ENTR1: variants seen among roughly 807,000 people sequenced by gnomAD.
The protein encoded by ENTR1 is endosome associated trafficking regulator 1.
ENTR1 carries 47 observed loss-of-function variants against 47.9 expected under a neutral mutation model. That is an observed-to-expected ratio of 0.98 (90% CI 0.78 to 1.25). ENTR1 has a LOEUF of 1.25. Ranked by LOEUF, ENTR1 falls within the 50% of genes most tolerant of loss-of-function variation. ENTR1 has a pLI of 0.00. For missense variants in ENTR1, 668 were observed against 570.5 expected (o/e 1.17, Z -1.74); for synonymous variants, 290 against 245.8 (o/e 1.18, Z -1.68).
chr9:136,409,537 CCT>C (rs1409204068), intron 2 of ENTR1, among the ~76,000 whole-genome samples: 3 of 152,128 alleles, frequency 2.0e-5, no homozygotes, highest in Non-Finnish European at 4.4e-5. Flanking sequence ...CTGGAGATGG[CCT>C]GACTTGCAGA....
At position 136,408,385 on chromosome 9, in the gene ENTR1, T is replaced by C. The variant is rs534233672; in HGVS notation, c.290-447A>G. Reference sequence around the variant, plus strand: ...CGAGGTCAGGAGACTGAGACCATCCTGGCTAACACGGTGAAACCTCATCTC... The same window carrying C: ...CGAGGTCAGGAGACTGAGACCATCCCGGCTAACACGGTGAAACCTCATCTC... On this transcript the variant is annotated intron_variant, in intron 3 of 9. Coordinates refer to ENST00000357365, the MANE Select transcript of ENTR1 (RefSeq NM_001039707.2). Among the ~76,000 whole-genome samples, 75 of 152,186 alleles carry C rather than the reference T, an allele frequency of 4.9e-4. No individual in the cohort carries two copies. In the East Asian group the frequency reaches 0.01, roughly 21 times the overall value.
intron 9 of ENTR1, among the ~76,000 whole-genome samples, chr9:136,403,255 G>C (rs1834579316): frequency 7.0e-6 from 1 of 142,890 alleles, no homozygotes; most frequent in African/African-American, 2.6e-5. Context: ...GGGTTCCAGG[G>C]AGAAAGGGAC....
chr9:136,408,875 C>A, intron 3 of ENTR1, 124 bp downstream of exon 3: 3 of 673,220 alleles, frequency 4.5e-6, no homozygotes, highest in Non-Finnish European at 8.1e-6. Flanking sequence ...TGAAATCCCA[C>A]CCCCACCTGC....
At chr9:136,406,070 A>AGCAGAGAT (rs1834750717) in intron 5 of ENTR1, 92 bp from the exon 6 acceptor site, 1 of 841,594 alleles carries the variant, frequency 1.2e-6, no homozygotes, top group Non-Finnish European at 1.8e-6. Flanking sequence ...CCTCCTGATA[A>AGCAGAGAT]GCAGAGATGC....
At chr9:136,404,499 T>TC in intron 8 of ENTR1, 132 bp downstream of exon 8, 1 of 992,698 alleles carries the variant, frequency 1.0e-6, no homozygotes, top group Non-Finnish European at 1.5e-6. Context: ...GCGGCTGCTG[T>TC]CCTCATTTGA....
intron 7 of ENTR1, 148 bp downstream of exon 7, chr9:136,404,943 A>C: frequency 4.2e-6 from 3 of 707,928 alleles, no homozygotes; most frequent in Non-Finnish European, 4.8e-6. Flanking sequence ...AGGCACAGCG[A>C]GACAGCGACG....
At chr9:136,405,064 C>T (rs368672832) in intron 7 of ENTR1, 27 bp downstream of exon 7, 19 of 1,576,810 alleles carry the variant, frequency 1.2e-5, no homozygotes, top group African/African-American at 5.4e-5. Flanking sequence ...CCACCCAGCT[C>T]GTCCGATTCA....
intron 3 of ENTR1, 70 bp from the exon 4 acceptor site, chr9:136,408,008 C>G (rs1834866348): frequency 2.0e-6 from 2 of 1,021,834 alleles, no homozygotes; most frequent in African/African-American, 3.2e-5. Flanking sequence ...TCCTGTTCAC[C>G]TGTCTTTCCA....
Position 136,402,777 on chromosome 9 carries a change from C to T in ENTR1, c.*11G>A. Reference sequence around the variant, plus strand: ...TACACGGAGCTTCATGCTGAGAACACCCAGGGGTCCTCAAGAGTCTTCCTC... The same window carrying T: ...TACACGGAGCTTCATGCTGAGAACATCCAGGGGTCCTCAAGAGTCTTCCTC... On this transcript the variant is annotated 3_prime_UTR_variant, in exon 10 of 10. Transcript: ENST00000357365. 10 of 1,598,466 alleles carry T rather than the reference C, an allele frequency of 6.3e-6. No homozygotes were observed. Among genetic ancestry groups the T allele is most frequent in the Non-Finnish European group, 6.0e-6 (7 of 1,167,228 alleles).
intron 8 of ENTR1, 85 bp from the exon 9 acceptor site, chr9:136,404,279 C>T (rs1392361926): frequency 6.6e-6 from 10 of 1,519,228 alleles, no homozygotes; most frequent in South Asian, 6.4e-5. Context: ...AGGGCTTACC[C>T]GTGGGGGCCT....
At chr9:136,404,743 A>G (rs1834680030) in intron 7 of ENTR1, 50 bp from the exon 8 acceptor site, 2 of 1,593,300 alleles carry the variant, frequency 1.3e-6, no homozygotes, top group Non-Finnish European at 1.7e-6. Context: ...ATGTCCTCAC[A>G]TTCATACCGG....
Position 136,404,632 on chromosome 9 carries a change from T to C in ENTR1, c.1067A>G (p.Gln356Arg). The C allele has an allele frequency of 1.2e-6, 2 of 1,613,998 alleles. No homozygotes were observed. The highest frequency in any genetic ancestry group is 1.7e-6 in the Non-Finnish European group (2 of 1,179,918). The change falls in exon 8 of 10, where the codon CAG (glutamine) becomes CGG (arginine). Residue 356 changes from glutamine (Q) to arginine (R), a missense_variant and splice_region_variant. By Grantham distance (43) the Gln-to-Arg change is conservative. Transcript: ENST00000357365. ...ACTGAAGTCCCTTCCTTTAATTACCTGGAGCAAACTGATTTCCTGTTTTAG... is the reference window on the plus strand; with the variant it reads ...ACTGAAGTCCCTTCCTTTAATTACCCGGAGCAAACTGATTTCCTGTTTTAG... ...VKLKQEISLL[Q>R]AQVSNFQREN...
intron 6 of ENTR1, chr9:136,405,490 C>T (rs1834721635): frequency 2.4e-6 from 1 of 417,788 alleles, no homozygotes. Context: ...ATAATCCCAA[C>T]ACTTTAGGAG....
rs11145916 is a variant in ENTR1 at position 136,407,636 on chromosome 9, G to A, written c.403-75C>T. On this transcript the variant is annotated intron_variant, in intron 4 of 9. Transcript: ENST00000357365. ...GAGCGCATCTTCCTTTCTGTGTTCT[G>A]CCTCGCAACAAGAAGAAAGGCCCAA... 350,508 of 1,482,474 alleles carry A rather than the reference G, an allele frequency of 0.24. 43,057 individuals are homozygous for A. Among genetic ancestry groups the A allele is most frequent in the Non-Finnish European group, 0.25 (281,291 of 1,119,764 alleles). The allele number at this position is 1,482,474 out of a possible 1,614,324, so 91.8% of individuals were successfully genotyped here.
Position 136,409,018 on chromosome 9 carries a change from G to A in ENTR1, c.270C>T (p.Ala90=). ...CTCTACCTCCAAAATGTGTCCCGTGGGCTCCTGACGGGCTCTGCTTAGAAC... is the reference window on the plus strand; with the variant it reads ...CTCTACCTCCAAAATGTGTCCCGTGAGCTCCTGACGGGCTCTGCTTAGAAC... ...GKCSKQSPSG[A]HGTHFGDDRF... The change falls in exon 3 of 10, where the codon GCC becomes GCT. Residue 90 remains alanine (A), a synonymous_variant. Coordinates refer to ENST00000357365, the MANE Select transcript of ENTR1 (RefSeq NM_001039707.2). 6.2e-7 allele frequency: 1 copy of A among 1,613,930 alleles called. No individual in the cohort carries two copies. The highest frequency in any genetic ancestry group is 8.5e-7 in the Non-Finnish European group (1 of 1,179,968).
rs773228002 is a variant in ENTR1 at position 136,405,975 on chromosome 9, T to C, written c.823A>G (p.Lys275Glu). ...CTTCTCAGCTTAGAATTTTCATCTT[T>C]CAGCTGTGGAGAGAGAACATCCTTA... ...RTLQISYDALKDENSKLRRKL... is the reference protein window; with the variant it reads ...RTLQISYDALEDENSKLRRKL... Residue 275 changes from lysine (K) to glutamate (E), a missense_variant, in exon 6 of 10, where the codon AAA (lysine) becomes GAA (glutamate). By Grantham distance (56) the Lys-to-Glu change is moderately conservative. Coordinates refer to ENST00000357365, the MANE Select transcript of ENTR1 (RefSeq NM_001039707.2). 6.2e-7 allele frequency: 1 copy of C among 1,608,414 alleles called. No homozygotes were observed. The highest frequency in any genetic ancestry group is 1.7e-5 in the Admixed American group (1 of 59,290).
rs1336062033 is a variant in ENTR1, at chr9:136,404,127, AC to A, written c.1135del (p.Val379TrpfsTer2). ...LRCGQGASLT[V>X]VKQNADVALQ... ...GGCCACGTCGGCGTTCTGCTTCACC[AC>A]GGTCAGGCTGGCACCCTGGCCGCAC... On this transcript the variant is annotated frameshift_variant, in exon 9 of 10. Coordinates refer to ENST00000357365, the MANE Select transcript of ENTR1 (RefSeq NM_001039707.2). LOFTEE classifies it high-confidence loss of function. 6.2e-7 allele frequency: 1 copy of A among 1,613,050 alleles called. No homozygotes were observed. The highest frequency in any genetic ancestry group is 8.5e-7 in the Non-Finnish European group (1 of 1,179,764).
At chr9:136,408,905 A>AC (rs1334283152) in intron 3 of ENTR1, 94 bp downstream of exon 3, 8 of 1,002,164 alleles carry the variant, frequency 8.0e-6, no homozygotes, top group Middle Eastern at 2.2e-4. Flanking sequence ...CTCCAGCTAC[A>AC]CCACATAGCC....
In ENTR1 at chr9:136,404,307, C is replaced by A. The variant is rs182173412; in HGVS notation, c.1069-113G>T. The A allele has an allele frequency of 3.0e-3, 4,285 of 1,421,878 alleles. 11 individuals are homozygous for A. The highest frequency in any genetic ancestry group is 4.0e-3 in the Admixed American group (182 of 45,340). 88.1% of individuals were successfully genotyped at this position (1,421,878 alleles called of 1,614,324 possible). A position where few individuals can be genotyped will look rare whatever the true frequency, so the allele number is the denominator to read the frequency against. ...GGGGGCCTGGCACTCAAGATGCATGCTCTGGCCTAACTGGGGGCTCGCCTC... is the reference window on the plus strand; with the variant it reads ...GGGGGCCTGGCACTCAAGATGCATGATCTGGCCTAACTGGGGGCTCGCCTC... On this transcript the variant is annotated intron_variant, in intron 8 of 9. Transcript: ENST00000357365.
Sources: allele counts gnomAD v4.1 joint callset (sites outside exome capture counted in the v4.1 genomes callset), GRCh38; gene constraint gnomAD v4.1.1; transcripts MANE v1.5; gene names NCBI Gene and HGNC (gene_info 2026-07-23, HGNC 2026-07-21).